IAH1: variants seen among roughly 807,000 people sequenced by gnomAD.
The protein encoded by IAH1 is isoamyl acetate-hydrolyzing esterase 1 homolog.
In IAH1, 24 loss-of-function variants were observed where a neutral mutation model predicts 26.7. That is an observed-to-expected ratio of 0.90 (90% CI 0.65 to 1.26). The LOEUF is 1.26. Among genes scored for constraint, IAH1 ranks in the 50% most tolerant of loss-of-function variants. The probability of loss-of-function intolerance (pLI) is 0.00; values close to 1 mark genes in which losing one functional copy is unlikely to be tolerated. For missense variants in IAH1, 300 were observed against 299.9 expected (o/e 1.00, Z 0.00); for synonymous variants, 140 against 118.5 (o/e 1.18, Z -1.18).
At chr2:9,474,321 C>G (rs777306066), upstream of IAH1, among the ~76,000 whole-genome samples, 4 of 152,224 alleles carry the variant, frequency 2.6e-5, no homozygotes, top group Non-Finnish European at 5.9e-5. This position sits in a 1 kb window ranked among gnomAD's most constrained non-coding sequence, Gnocchi z 4.3. Context: ...GGGCCCCCAA[C>G]CGCTTTTCTT....
rs1224077779 is a variant in IAH1 at position 9,474,720 on chromosome 2, CTCGCCGTCCTCT to C, written c.81+77_81+88del. 12 of 1,180,000 alleles carry C rather than the reference CTCGCCGTCCTCT, an allele frequency of 1.0e-5. No individual in the cohort carries two copies. In the African/African-American group the frequency reaches 1.9e-4, roughly 19 times the overall value. The allele number at this position is 1,180,000 out of a possible 1,614,324, so 73.1% of individuals were successfully genotyped here. On this transcript the variant is annotated intron_variant, in intron 1 of 5. Coordinates refer to ENST00000497473, the MANE Select transcript of IAH1 (RefSeq NM_001039613.3). The surrounding 1 kb of genome is among the most constrained non-coding windows in gnomAD (Gnocchi z 4.3). ...GTCGCTGCCGAGCAGGCCGAGGCTC[CTCGCCGTCCTCT>C]TCGGCGCCCGAGACGGCTGGGCCGG...
intron 4 of IAH1, among the ~76,000 whole-genome samples, chr2:9,482,863 C>T (rs1250943099): frequency 2.0e-5 from 3 of 152,182 alleles, no homozygotes; most frequent in Non-Finnish European, 4.4e-5. Flanking sequence ...CACATCAGGG[C>T]AGAGGGGCCC....
intron 1 of IAH1, 47 bp from the exon 2 acceptor site, chr2:9,475,940 G>C (rs751938442): frequency 6.4e-7 from 1 of 1,553,096 alleles, no homozygotes; most frequent in South Asian, 1.1e-5. Context: ...TCGCTGAGAT[G>C]CCCGGTTACA....
At chr2:9,510,201 T>G in the IAH1 span, 2 of 1,528,778 alleles carry the variant, frequency 1.3e-6, no homozygotes, top group Non-Finnish European at 1.8e-6. Context: ...CAGTTGGGCC[T>G]ATGCTGTCTT....
At chr2:9,478,172 CA>C (rs1431577363) in intron 2 of IAH1, 49 bp from the exon 3 acceptor site, 1 of 1,538,852 alleles carries the variant, frequency 6.5e-7, no homozygotes, top group Non-Finnish European at 8.8e-7. Context: ...TTACTGCGAC[CA>C]TAAACACTTC....
chr2:9,475,488 CTTTTTTTT>C (rs60057180), intron 1 of IAH1, among the ~76,000 whole-genome samples: 3 of 144,132 alleles, frequency 2.1e-5, no homozygotes, highest in Admixed American at 7.0e-5. Flanking sequence ...TTCTGTTTAG[CTTTTTTTT>C]TTTTTTCTTT....
At chr2:9,478,078 T>A in intron 2 of IAH1, 144 bp from the exon 3 acceptor site, 1 of 637,404 alleles carries the variant, frequency 1.6e-6, no homozygotes, top group South Asian at 2.2e-5. Context: ...ATGTTCTTGC[T>A]CCTATCAAAG....
chr2:9,475,934 T>G, intron 1 of IAH1, 53 bp from the exon 2 acceptor site: 1,559 of 1,505,334 alleles, frequency 1.0e-3, no homozygotes, highest in Middle Eastern at 1.4e-3. Flanking sequence ...CTGCCCTCGC[T>G]GAGATGCCCG....
chr2:9,505,436 C>T, the IAH1 span: 1 of 1,469,078 alleles, frequency 6.8e-7, no homozygotes, highest in East Asian at 2.3e-5. Context: ...ATGTTTGTGT[C>T]TTCTCTAGAG....
chr2:9,499,080 G>T (rs1319810775), downstream of IAH1, among the ~76,000 whole-genome samples: 2 of 148,726 alleles, frequency 1.3e-5, no homozygotes, highest in African/African-American at 2.5e-5. Context: ...GCTGCTGGTT[G>T]TGAAATGCTA....
the IAH1 span, among the ~76,000 whole-genome samples, chr2:9,511,151 G>GT: frequency 1.3e-5 from 2 of 151,962 alleles, no homozygotes; most frequent in Non-Finnish European, 2.9e-5. Context: ...AAAGCAAGGG[G>GT]TAAAAAAAAC....
At chr2:9,507,150 C>A in the IAH1 span, 1 of 152,120 alleles carries the variant, frequency 6.6e-6, no homozygotes, top group South Asian at 2.1e-4. Flanking sequence ...TATTTTTGTC[C>A]TGTAAGCCCT....
intron 2 of IAH1, among the ~76,000 whole-genome samples, chr2:9,476,320 A>G (rs1407691331): frequency 6.6e-6 from 1 of 152,258 alleles, no homozygotes; most frequent in Admixed American, 6.5e-5. Context: ...ATCCAAGTCC[A>G]GCTGCTATGA....
intron 3 of IAH1, among the ~76,000 whole-genome samples, chr2:9,478,574 C>T (rs368914204): frequency 6.6e-6 from 1 of 152,204 alleles, no homozygotes; most frequent in East Asian, 1.9e-4. Flanking sequence ...TGGTTGCTGG[C>T]AGTCCTAATC....
chr2:9,478,104 G>A (rs1660933176), intron 2 of IAH1, 118 bp from the exon 3 acceptor site: 2 of 819,396 alleles, frequency 2.4e-6, no homozygotes, highest in Non-Finnish European at 3.7e-6. Flanking sequence ...CCTGGGGGTG[G>A]CTCAGAGACA....
At chr2:9,510,142 A>T in the IAH1 span, 1 of 1,613,966 alleles carries the variant, frequency 6.2e-7, no homozygotes, top group Non-Finnish European at 8.5e-7. Flanking sequence ...CTTAAGGATC[A>T]TGCAAAGAAA....
At position 9,488,708 on chromosome 2, in the gene IAH1, A is replaced by G. The variant is rs1661799290; in HGVS notation, c.*379A>G. On this transcript the variant is annotated 3_prime_UTR_variant, in exon 6 of 6. Transcript: ENST00000497473. ...CAAATTCCAAAAGTGTAACTAAAGT[A>G]TAAGAATATCATGACTAGTTAAAAG... 1 of 157,580 alleles carries G rather than the reference A, an allele frequency of 6.3e-6. No individual in the cohort carries two copies. The highest frequency in any genetic ancestry group is 3.3e-3 in the Middle Eastern group (1 of 304). 9.8% of individuals were successfully genotyped at this position (157,580 alleles called of 1,614,324 possible).
intron 1 of IAH1, 182 bp from the exon 2 acceptor site, chr2:9,475,805 T>C (rs1682456573): frequency 1.6e-6 from 1 of 616,274 alleles, no homozygotes; most frequent in South Asian, 2.0e-5. Context: ...TAGAGAAAAA[T>C]CCCCCTCTGC....
At chr2:9,497,872 T>C (rs1353201450), downstream of IAH1, among the ~76,000 whole-genome samples, 2 of 152,080 alleles carry the variant, frequency 1.3e-5, no homozygotes, top group Admixed American at 6.6e-5. Context: ...TCATTGCATA[T>C]GTTTTGCAAT....
Sources: allele counts gnomAD v4.1 joint callset (sites outside exome capture counted in the v4.1 genomes callset), GRCh38; gene constraint gnomAD v4.1.1; non-coding constraint Gnocchi (gnomAD v3.1); transcripts MANE v1.5; gene names NCBI Gene and HGNC (gene_info 2026-07-23, HGNC 2026-07-21).